ARHGAP40: variants seen among roughly 807,000 people sequenced by gnomAD.
ARHGAP40 encodes rho GTPase-activating protein 40.
In ARHGAP40, 43 loss-of-function variants were observed where a neutral mutation model predicts 73.5. The ratio of observed to expected loss-of-function variants is 0.58; its 90% CI spans 0.46 to 0.75. The LOEUF (loss-of-function observed/expected upper bound fraction) is 0.75. ARHGAP40 is among the 30% of genes least tolerant of loss of function. The probability of loss-of-function intolerance (pLI) is 0.00; values close to 1 mark genes in which losing one functional copy is unlikely to be tolerated. For missense variants in ARHGAP40, 734 were observed against 861.8 expected (o/e 0.85, Z 1.86); for synonymous variants, 300 against 352.8 (o/e 0.85, Z 1.68).
In ARHGAP40 at chr20:38,626,821, G is replaced by C. The variant is rs185223441; in HGVS notation, c.338-174G>C. Among the ~76,000 whole-genome samples the C allele has an allele frequency of 6.8e-4, 103 of 152,190 alleles. 1 individual carries two copies. Among genetic ancestry groups the C allele is most frequent in the African/African-American group, 2.3e-3 (95 of 41,500 alleles). ...CCACCCCGCCCCCAGTTCTCAGAAG[G>C]CTCATTAGATCTTCTCCCCCGGAGA... On this transcript the variant is annotated intron_variant, in intron 2 of 14. Coordinates refer to ENST00000373345, the Ensembl canonical transcript of ARHGAP40.
Position 38,646,186 on chromosome 20 carries a change from C to T in ARHGAP40, c.1709C>T (p.Ala570Val), listed in dbSNP as rs1425492107. ...GACAAGGCGGGGGACGGCCTCGAGGCGGTGAGTGCCCCCGACCCCAGACAG... is the reference window on the plus strand; with the variant it reads ...GACAAGGCGGGGGACGGCCTCGAGGTGGTGAGTGCCCCCGACCCCAGACAG... Residue 570 changes from alanine to valine, a missense_variant and splice_region_variant, in exon 12 of 15, where the codon GCG becomes GTG. Coordinates refer to ENST00000373345, the Ensembl canonical transcript of ARHGAP40. This position sits in a 1 kb window ranked among gnomAD's most constrained non-coding sequence, Gnocchi z 4.5. 7.7e-7 allele frequency: 1 copy of T among 1,300,040 alleles called. No individual in the cohort carries two copies. 80.5% of individuals were successfully genotyped at this position (1,300,040 alleles called of 1,614,324 possible). A position where few individuals can be genotyped will look rare whatever the true frequency, so the allele number is the denominator to read the frequency against.
intron 1 of ARHGAP40, among the ~76,000 whole-genome samples, chr20:38,617,032 A>G (rs2088844452): frequency 6.6e-6 from 1 of 152,092 alleles, no homozygotes; most frequent in Non-Finnish European, 1.5e-5. Flanking sequence ...TGCAACCTCC[A>G]CTTCCTAGAT....
At chr20:38,647,002 C>T in exon 13 of ARHGAP40, 1 of 1,305,474 alleles carries the variant, frequency 7.7e-7, no homozygotes, top group Non-Finnish European at 1.0e-6. Context: ...TATCAAGGAC[C>T]CCTTGAAGGT....
chr20:38,628,776 C>A, intron 3 of ARHGAP40, 151 bp from the exon 4 acceptor site: 4 of 467,070 alleles, frequency 8.6e-6, no homozygotes, highest in South Asian at 8.3e-5. Context: ...GACTTAGCAG[C>A]TGTGGGACTT....
intron 6 of ARHGAP40, among the ~76,000 whole-genome samples, chr20:38,635,429 C>A (rs4812093): frequency 3.9e-5 from 6 of 152,002 alleles, no homozygotes; most frequent in African/African-American, 1.5e-4. Flanking sequence ...TTTGGGAGGC[C>A]GAGGTGGGAG....
chr20:38,647,122 C>T, exon 13 of ARHGAP40: 1 of 1,304,152 alleles, frequency 7.7e-7, no homozygotes, highest in Non-Finnish European at 1.0e-6. Flanking sequence ...CAGCCTCCTT[C>T]TACAGTAAGA....
chr20:38,630,155 C>CTCCT (rs1157173350), intron 5 of ARHGAP40, among the ~76,000 whole-genome samples: 3 of 146,092 alleles, frequency 2.1e-5, no homozygotes, highest in Non-Finnish European at 4.5e-5. Flanking sequence ...CCTTCCCTCC[C>CTCCT]TCCCTCCCTT....
intron 1 of ARHGAP40, among the ~76,000 whole-genome samples, chr20:38,616,076 C>T (rs1043541174): frequency 2.6e-5 from 4 of 152,006 alleles, no homozygotes; most frequent in Non-Finnish European, 5.9e-5. Flanking sequence ...TGTGAGAGGG[C>T]CACCCCACCA....
intron 8 of ARHGAP40, 51 bp downstream of exon 8, chr20:38,638,889 A>C (rs969411300): frequency 1.6e-6 from 2 of 1,282,984 alleles, no homozygotes; most frequent in Non-Finnish European, 2.1e-6. Flanking sequence ...CCCCATGCTC[A>C]CATGTGTGTT....
At chr20:38,612,067 G>A (rs1191716013) in intron 1 of ARHGAP40, among the ~76,000 whole-genome samples, 6 of 152,084 alleles carry the variant, frequency 3.9e-5, no homozygotes, top group African/African-American at 1.4e-4. Context: ...AATACTTAAT[G>A]TTATTTTAAT....
At chr20:38,611,496 C>T (rs2088804748) in intron 1 of ARHGAP40, among the ~76,000 whole-genome samples, 1 of 149,862 alleles carries the variant, frequency 6.7e-6, no homozygotes, top group Non-Finnish European at 1.5e-5. Flanking sequence ...TAGCTCACTG[C>T]AACCTCAAAC....
intron 6 of ARHGAP40, 87 bp downstream of exon 6, chr20:38,634,872 C>T (rs2088964061): frequency 9.1e-7 from 1 of 1,104,862 alleles, no homozygotes; most frequent in Non-Finnish European, 1.1e-6. Flanking sequence ...AGATGCTCAG[C>T]TTTGTCTTTC....
intron 5 of ARHGAP40, among the ~76,000 whole-genome samples, chr20:38,634,307 ATGCCAC>A (rs1463099682): frequency 1.3e-5 from 2 of 152,212 alleles, no homozygotes; most frequent in Non-Finnish European, 2.9e-5. Flanking sequence ...AGCAGTGTTC[ATGCCAC>A]TGTACGCCAG....
chr20:38,616,790 G>A (rs2088842181), intron 1 of ARHGAP40, among the ~76,000 whole-genome samples: 1 of 152,146 alleles, frequency 6.6e-6, no homozygotes, highest in African/African-American at 2.4e-5. Context: ...TGGAGACCTT[G>A]TCATTGTTAA....
At chr20:38,634,541 T>A in intron 5 of ARHGAP40, 79 bp from the exon 6 acceptor site, 2 of 1,238,116 alleles carry the variant, frequency 1.6e-6, no homozygotes, top group Non-Finnish European at 2.2e-6. Context: ...CTAAATGCCC[T>A]GGGGAGAAGG....
In ARHGAP40 at chr20:38,649,706, A is replaced by G. The variant is rs1292646234; in HGVS notation, c.1937-51A>G. ...GGTGAAGGGCTCTGTGCAGGGGAAC[A>G]GCATCTCCTACAGCCTCCCACTCAA... On this transcript the variant is annotated intron_variant, in intron 14 of 14. Coordinates refer to ENST00000373345, the Ensembl canonical transcript of ARHGAP40. 18 of 1,167,548 alleles carry G rather than the reference A, an allele frequency of 1.5e-5. No homozygotes were observed. The Admixed American group carries it at 4.2e-4, about 27-fold the overall frequency. The allele number at this position is 1,167,548 out of a possible 1,614,324, so 72.3% of individuals were successfully genotyped here. A position where few individuals can be genotyped will look rare whatever the true frequency, so the allele number is the denominator to read the frequency against.
intron 3 of ARHGAP40, among the ~76,000 whole-genome samples, chr20:38,627,676 G>A (rs1246363167): frequency 1.3e-5 from 2 of 149,522 alleles, no homozygotes; most frequent in African/African-American, 2.5e-5. Flanking sequence ...GTGTGTTGGT[G>A]TGTGTGTTGT....
intron 1 of ARHGAP40, among the ~76,000 whole-genome samples, chr20:38,603,982 C>G (rs908068730): frequency 6.6e-6 from 1 of 152,220 alleles, no homozygotes; most frequent in Non-Finnish European, 1.5e-5. Context: ...GATCGTCCCC[C>G]CAACTCAAGA....
intron 1 of ARHGAP40, among the ~76,000 whole-genome samples, chr20:38,621,286 C>A (rs1044881930): frequency 2.0e-5 from 3 of 152,164 alleles, no homozygotes; most frequent in African/African-American, 7.2e-5. Flanking sequence ...TTTGATTCAG[C>A]AATTCTACTT....
Sources: gnomAD v4.1 joint callset for allele counts (sites outside exome capture counted in the v4.1 genomes callset) on GRCh38, gnomAD v4.1.1 for gene constraint, Gnocchi (gnomAD v3.1) non-coding constraint, MANE v1.5 for transcripts, NCBI Gene and HGNC (gene_info 2026-07-23, HGNC 2026-07-21) for gene names.